Variants in CDKL5 observed in about 807,000 individuals in gnomAD.
CDKL5 encodes the protein cyclin-dependent kinase-like 5.
Under a neutral mutation model 61.7 loss-of-function variants are expected in CDKL5, and 8 were observed. That is an observed-to-expected ratio of 0.13 (90% CI 0.08 to 0.23). CDKL5 has a LOEUF of 0.23. CDKL5 is among the 10% of genes least tolerant of loss of function. The pLI is 1.00. For synonymous variants in CDKL5, 275 were observed against 272.3 expected (o/e 1.01, Z -0.10); for missense variants, 440 against 734.5 (o/e 0.60, Z 4.63).
Position 18,510,873 on chromosome X carries a change from A to G in CDKL5, c.99+19A>G. ...ACACAAGGCAAGTACATTATTTTTA[A>G]AAAGAAATATCTGTATATGTTTAAC... On this transcript the variant is annotated intron_variant, in intron 3 of 17. Coordinates refer to ENST00000623535, the MANE Select transcript of CDKL5 (RefSeq NM_001323289.2). 1 of 1,093,823 alleles carries G rather than the reference A, an allele frequency of 9.1e-7. No homozygotes were observed. The highest frequency in any genetic ancestry group is 1.3e-6 in the Non-Finnish European group (1 of 790,010). 90.1% of individuals were successfully genotyped at this position (1,093,823 alleles called of 1,213,427 possible).
At chrX:18,541,590 G>T (rs772485562) in intron 3 of CDKL5, among the ~76,000 whole-genome samples, 12 of 111,557 alleles carry the variant, frequency 1.1e-4, no homozygotes, top group Non-Finnish European at 2.3e-4. Context: ...GAGTGCAGTT[G>T]CACAGTCATT....
intron 3 of CDKL5, among the ~76,000 whole-genome samples, chrX:18,528,608 T>C (rs752907302): frequency 2.7e-4 from 29 of 108,494 alleles, no homozygotes; most frequent in African/African-American, 9.1e-4. Flanking sequence ...CTCTCTCTCT[T>C]TCTCTTGCTT....
At chrX:18,587,234 A>G (rs1447996984) in intron 8 of CDKL5, among the ~76,000 whole-genome samples, 1 of 111,329 alleles carries the variant, frequency 9.0e-6, no homozygotes, top group Non-Finnish European at 1.9e-5. Flanking sequence ...GAGGATACCT[A>G]GATTTTCATA....
intron 17 of CDKL5, 98 bp from the exon 18 acceptor site, chrX:18,628,273 G>A: frequency 2.2e-6 from 2 of 900,897 alleles, no homozygotes; most frequent in South Asian, 4.0e-5. Context: ...TGCCCTTCCT[G>A]GCCACACCCA....
intron 3 of CDKL5, among the ~76,000 whole-genome samples, chrX:18,563,775 C>G (rs1410800063): frequency 9.0e-6 from 1 of 111,534 alleles, no homozygotes; most frequent in African/African-American, 3.3e-5. Flanking sequence ...TTTTATAGAC[C>G]AGAATTGAAT....
chrX:18,432,258 C>T (rs779558958), intron 1 of CDKL5, among the ~76,000 whole-genome samples: 6 of 109,087 alleles, frequency 5.5e-5, no homozygotes, highest in South Asian at 8.0e-4. Context: ...CCACCATGCC[C>T]GGCTAATTTT....
intron 5 of CDKL5, 80 bp downstream of exon 5, chrX:18,575,570 T>A (rs1172011708): frequency 1.2e-5 from 11 of 904,286 alleles, no homozygotes; most frequent in Non-Finnish European, 1.8e-5. Flanking sequence ...AAGAAAGTAC[T>A]GTTATCTAAT....
At chrX:18,494,205 C>T (rs781688785) in intron 1 of CDKL5, among the ~76,000 whole-genome samples, 7 of 111,760 alleles carry the variant, frequency 6.3e-5, no homozygotes, top group Non-Finnish European at 1.1e-4. Flanking sequence ...CGTGAGCCAG[C>T]GCCCCTGGCT....
intron 1 of CDKL5, among the ~76,000 whole-genome samples, chrX:18,497,894 C>T (rs1033803410): frequency 3.7e-5 from 4 of 108,603 alleles, no homozygotes; most frequent in East Asian, 5.8e-4. Context: ...CACGGCTCAC[C>T]GCAGCTGTGA....
chrX:18,638,222 G>A lies in CDKL5; in HGVS notation c.*9465G>A, dbSNP rs1178288748. ...TAACCTCCTCCCACACAGAGTACCC[G>A]AATCAGCTCAGATTTTTTTTCCTTA... On this transcript the variant is annotated 3_prime_UTR_variant, in exon 18 of 18. Transcript: ENST00000623535. The A allele has an allele frequency of 8.1e-5, 9 of 111,788 alleles. No homozygotes were observed. Among genetic ancestry groups the A allele is most frequent in the South Asian group, 3.7e-4 (1 of 2,680 alleles). The allele number at this position is 111,788 out of a possible 1,213,427, so 9.2% of individuals were successfully genotyped here.
At chrX:18,583,644 G>A (rs980390518) in intron 7 of CDKL5, among the ~76,000 whole-genome samples, 1 of 111,379 alleles carries the variant, frequency 9.0e-6, no homozygotes, top group African/African-American at 3.3e-5. Flanking sequence ...GCCTTATTTT[G>A]TGGCTATGCA....
intron 5 of CDKL5, among the ~76,000 whole-genome samples, chrX:18,578,434 T>G (rs985016703): frequency 8.9e-6 from 1 of 111,990 alleles, no homozygotes; most frequent in African/African-American, 3.2e-5. Context: ...TGAGGCCAAA[T>G]TAGAGCAGTG....
At chrX:18,506,484 C>G (rs899640224) in intron 1 of CDKL5, among the ~76,000 whole-genome samples, 1 of 112,165 alleles carries the variant, frequency 8.9e-6, no homozygotes, top group Non-Finnish European at 1.9e-5. Flanking sequence ...ATTTGTTACT[C>G]CCTTTTATGA....
At chrX:18,478,401 C>T (rs1352560691) in intron 1 of CDKL5, among the ~76,000 whole-genome samples, 1 of 106,134 alleles carries the variant, frequency 9.4e-6, no homozygotes, top group African/African-American at 3.4e-5. Flanking sequence ...AGTGATTTTC[C>T]TGCCTCAGCC....
At chrX:18,591,709 CAT>C (rs1463812462) in intron 9 of CDKL5, among the ~76,000 whole-genome samples, 1 of 111,561 alleles carries the variant, frequency 9.0e-6, no homozygotes, top group East Asian at 2.8e-4. Context: ...ATTTCCTTGA[CAT>C]ATTGCTTTTA....
intron 6 of CDKL5, among the ~76,000 whole-genome samples, chrX:18,581,190 A>G (rs1925469217): frequency 8.9e-6 from 1 of 112,090 alleles, no homozygotes; most frequent in Non-Finnish European, 1.9e-5. Context: ...CATCTCTACC[A>G]TATGATATAG....
chrX:18,464,055 G>A (rs1270509183), intron 1 of CDKL5, among the ~76,000 whole-genome samples: 1 of 109,086 alleles, frequency 9.2e-6, no homozygotes, highest in South Asian at 4.0e-4. Context: ...GAAATTATGG[G>A]CAGAAACCTT....
At chrX:18,569,181 T>C (rs1043280105) in intron 4 of CDKL5, among the ~76,000 whole-genome samples, 1 of 111,741 alleles carries the variant, frequency 8.9e-6, no homozygotes, top group Non-Finnish European at 1.9e-5. Context: ...TAGTTAATTT[T>C]TTCTTGTTTT....
downstream of CDKL5, among the ~76,000 whole-genome samples, chrX:18,644,102 C>A (rs183048653): frequency 4.6e-3 from 517 of 111,971 alleles, 5 homozygotes; most frequent in African/African-American, 0.015. Context: ...TCAGACCATA[C>A]CCGTGAAGCA....
Sources: gnomAD v4.1 joint callset for allele counts (sites outside exome capture counted in the v4.1 genomes callset) on GRCh38, gnomAD v4.1.1 for gene constraint, MANE v1.5 for transcripts, NCBI Gene and HGNC (gene_info 2026-07-23, HGNC 2026-07-21) for gene names.